The following STK32B variants were observed in gnomAD, a reference collection of about 807,000 sequenced individuals.
STK32B encodes serine/threonine kinase 32B.
STK32B carries 43 observed loss-of-function variants against 52.6 expected under a neutral mutation model. The observed-to-expected ratio is 0.82, with a 90% confidence interval of 0.64 to 1.05. STK32B has a LOEUF of 1.05. Among genes scored for constraint, STK32B ranks in the 50% least tolerant of loss-of-function variants. The probability of loss-of-function intolerance (pLI) is 0.00; values close to 1 mark genes in which losing one functional copy is unlikely to be tolerated. For synonymous variants in STK32B, 238 were observed against 204.3 expected, an observed-to-expected ratio of 1.17 and a Z score of -1.41; for missense variants, 621 against 534.6, an observed-to-expected ratio of 1.16 and a Z score of -1.59.
At chr4:5,414,495 G>C (rs1227264476) in intron 5 of STK32B, among the ~76,000 whole-genome samples, 1 of 152,138 alleles carries the variant, frequency 6.6e-6, no homozygotes, top group Non-Finnish European at 1.5e-5. Context: ...ACTTAGAATG[G>C]AGGATAAAGG....
At chr4:5,167,959 G>C (rs926890246) in intron 2 of STK32B, among the ~76,000 whole-genome samples, 1 of 152,250 alleles carries the variant, frequency 6.6e-6, no homozygotes, top group African/African-American at 2.4e-5. Flanking sequence ...CAGGGTTATA[G>C]TCACTGGTGC....
At chr4:5,330,563 G>T (rs910958234) in intron 3 of STK32B, among the ~76,000 whole-genome samples, 1 of 152,198 alleles carries the variant, frequency 6.6e-6, no homozygotes, top group Admixed American at 6.5e-5. Context: ...ATCTGGGGTT[G>T]CCATGGAATA....
chr4:5,250,905 G>T (rs4688926), intron 3 of STK32B, among the ~76,000 whole-genome samples: 25,866 of 151,930 alleles, frequency 0.17, 2,522 homozygotes, highest in African/African-American at 0.25. Flanking sequence ...TTTTTAATGG[G>T]GTTGTTTGCT....
At chr4:5,032,553 CATG>C in the STK32B span, among the ~76,000 whole-genome samples, 5 of 149,082 alleles carry the variant, frequency 3.4e-5, no homozygotes, top group South Asian at 6.4e-4. Context: ...TTCCATCTTT[CATG>C]ATTTCTGTTA....
intron 1 of STK32B, among the ~76,000 whole-genome samples, chr4:5,119,122 G>A (rs1482923209): frequency 6.6e-6 from 1 of 152,212 alleles, no homozygotes; most frequent in Non-Finnish European, 1.5e-5. Context: ...GTCCCCCAAA[G>A]CCAGCCTTCA....
intron 3 of STK32B, among the ~76,000 whole-genome samples, chr4:5,223,498 G>C (rs1723667322): frequency 6.6e-6 from 1 of 152,156 alleles, no homozygotes; most frequent in South Asian, 2.1e-4. Context: ...AGCATGTATA[G>C]AAGGGGGACA....
rs552843425 is a variant in STK32B at position 5,249,398 on chromosome 4, T to A, written c.260+80948T>A. On this transcript the variant is annotated intron_variant, in intron 3 of 11. Coordinates refer to ENST00000282908, the MANE Select transcript of STK32B (RefSeq NM_018401.3). ...TTAGTGAATGAATTATGACAAGGGA[T>A]CTGATGTCTTCCTGCCTGTCTGTTC... Among the ~76,000 whole-genome samples the A allele has an allele frequency of 5.9e-5, 9 of 152,222 alleles. No individual in the cohort carries two copies. In the East Asian group the frequency reaches 1.7e-3, roughly 29 times the overall value.
intron 1 of STK32B, among the ~76,000 whole-genome samples, chr4:5,107,893 A>T (rs1355287740): frequency 3.3e-5 from 5 of 152,164 alleles, no homozygotes; most frequent in African/African-American, 9.7e-5. Context: ...TTTTATATAA[A>T]TGTTTATTAA....
At chr4:5,092,729 G>C (rs993976835) in intron 1 of STK32B, among the ~76,000 whole-genome samples, 5 of 152,024 alleles carry the variant, frequency 3.3e-5, no homozygotes, top group Non-Finnish European at 7.4e-5. Context: ...CCGATCTCGT[G>C]AGAACTCACT....
rs1251474071 is a variant in STK32B, at chr4:5,470,167, G to A, written c.1106+2097G>A. Among the ~76,000 whole-genome samples, 5 of 152,296 alleles carry A rather than the reference G, an allele frequency of 3.3e-5. No homozygotes were observed. The highest frequency in any genetic ancestry group is 2.1e-4 in the South Asian group (1 of 4,826). On this transcript the variant is annotated intron_variant, in intron 11 of 11. Transcript: ENST00000282908. This position sits in a 1 kb window ranked among gnomAD's most constrained non-coding sequence, Gnocchi z 4.6. ...CTTCCCTGTGTCATTTAGGAGTTGC[G>A]TCTGCTGCTTTTAGCAGAAACCTCA...
intron 11 of STK32B, among the ~76,000 whole-genome samples, chr4:5,496,353 A>G (rs1380764708): frequency 6.6e-6 from 1 of 152,186 alleles, no homozygotes; most frequent in East Asian, 1.9e-4. Flanking sequence ...GCAATCAGCG[A>G]GACTCCGTGG....
At chr4:5,189,965 G>T (rs1417469104) in intron 3 of STK32B, among the ~76,000 whole-genome samples, 2 of 152,172 alleles carry the variant, frequency 1.3e-5, no homozygotes, top group Non-Finnish European at 2.9e-5. Context: ...TGCTCAGTAA[G>T]TAGTTGTCGA....
chr4:5,183,322 A>T (rs1443049180), intron 3 of STK32B, among the ~76,000 whole-genome samples: 5 of 152,080 alleles, frequency 3.3e-5, no homozygotes, highest in Non-Finnish European at 5.9e-5. Context: ...TACTAAAAAT[A>T]CAAAATTAGC....
At chr4:5,341,334 C>T (rs1733062281) in intron 4 of STK32B, among the ~76,000 whole-genome samples, 1 of 152,160 alleles carries the variant, frequency 6.6e-6, no homozygotes, top group Admixed American at 6.5e-5. Context: ...ACCTTGTTGC[C>T]TCCCCAGATG....
intron 3 of STK32B, among the ~76,000 whole-genome samples, chr4:5,311,244 AAGAAAT>A (rs1171675895): frequency 6.6e-6 from 1 of 152,192 alleles, no homozygotes; most frequent in African/African-American, 2.4e-5. Flanking sequence ...TACCAACACA[AAGAAAT>A]GATAAACCTT....
intron 4 of STK32B, among the ~76,000 whole-genome samples, chr4:5,393,901 C>G (rs16837106): frequency 0.05 from 7,638 of 152,262 alleles, 434 homozygotes; most frequent in Admixed American, 0.17. Flanking sequence ...CTACCTCCCT[C>G]TCCCTCTTGC....
intron 1 of STK32B, among the ~76,000 whole-genome samples, chr4:5,138,443 T>A (rs1560171277): frequency 6.6e-6 from 1 of 152,208 alleles, no homozygotes; most frequent in Non-Finnish European, 1.5e-5. Context: ...TGGCTGTAAT[T>A]CAATCTAATT....
At chr4:5,266,437 A>T (rs74555615) in intron 3 of STK32B, among the ~76,000 whole-genome samples, 48 of 152,298 alleles carry the variant, frequency 3.2e-4, no homozygotes, top group African/African-American at 9.1e-4. Context: ...GTATACAAAG[A>T]TCTTAATTAA....
intron 1 of STK32B, among the ~76,000 whole-genome samples, chr4:5,099,393 ATGAAT>A (rs1331483155): frequency 6.6e-6 from 1 of 151,782 alleles, no homozygotes; most frequent in Admixed American, 6.6e-5. Context: ...ACAAACATAG[ATGAAT>A]TGAAGTGTCT....
Sources: gnomAD v4.1 joint callset for allele counts (sites outside exome capture counted in the v4.1 genomes callset) on GRCh38, gnomAD v4.1.1 for gene constraint, Gnocchi (gnomAD v3.1) non-coding constraint, MANE v1.5 for transcripts, NCBI Gene and HGNC (gene_info 2026-07-23, HGNC 2026-07-21) for gene names.